The following ADPRS variants were observed in gnomAD, a reference collection of about 807,000 sequenced individuals.
ADPRS encodes ADP-ribosylhydrolase ARH3.
A neutral mutation model predicts 32.1 loss-of-function variants in ADPRS; 25 were observed. The ratio of observed to expected loss-of-function variants is 0.78; its 90% confidence interval spans 0.57 to 1.09. ADPRS has a LOEUF of 1.09. ADPRS is among the 50% of genes least tolerant of loss of function. ADPRS has a pLI of 0.00. For missense variants in ADPRS, 482 were observed against 480.6 expected, an observed-to-expected ratio of 1.00 and a Z score of -0.03; for synonymous variants, 225 against 201.0, an observed-to-expected ratio of 1.12 and a Z score of -1.01.
At chr1:36,090,453 T>G (rs949941194) in intron 1 of ADPRS, among the ~76,000 whole-genome samples, 4 of 152,056 alleles carry the variant, frequency 2.6e-5, no homozygotes, top group Admixed American at 1.3e-4. Flanking sequence ...TGACTTGGAA[T>G]AAAGAATTGC....
At chr1:36,092,779 C>A (rs1234018047) in intron 5 of ADPRS, among the ~76,000 whole-genome samples, 1 of 152,220 alleles carries the variant, frequency 6.6e-6, no homozygotes, top group Non-Finnish European at 1.5e-5. Context: ...TGTCTAGCAT[C>A]TATACTGGGC....
chr1:36,093,288 A>G lies in ADPRS; in HGVS notation c.994A>G (p.Met332Val). 2 of 1,614,200 alleles carry G rather than the reference A, an allele frequency of 1.2e-6. No homozygotes were observed. The highest frequency in any genetic ancestry group is 1.7e-6 in the Non-Finnish European group (2 of 1,180,034). ...GGCCATTGCTGGTGCCTACTATGGG[A>G]TGGATCAGGTGCCAGAGAGCTGGCA... is the stretch of plus-strand genomic sequence containing the variant. ...AGAIAGAYYG[M>V]DQVPESWQQS... Residue 332 changes from methionine to valine, a missense_variant, in exon 6 of 6, where the codon ATG becomes GTG. By Grantham distance (21) the Met-to-Val change is conservative. Coordinates refer to ENST00000373178, the MANE Select transcript of ADPRS (RefSeq NM_017825.3).
chr1:36,091,390 C>T (rs1643481499), intron 2 of ADPRS, 50 bp downstream of exon 2: 2 of 1,536,654 alleles, frequency 1.3e-6, no homozygotes, highest in Non-Finnish European at 1.8e-6. Context: ...AAAGTTATTG[C>T]ACCCCTTGAC....
intron 1 of ADPRS, among the ~76,000 whole-genome samples, chr1:36,090,750 G>C (rs1367042460): frequency 6.6e-6 from 1 of 151,858 alleles, no homozygotes; most frequent in East Asian, 1.9e-4. Flanking sequence ...TACTCGGGAG[G>C]CTGGGGCAAG....
rs1293906648 is a variant in ADPRS at position 36,092,453 on chromosome 1, C to T, written c.733C>T (p.Arg245Cys). ...CATGGAGGAGCGTCCATACTCCAGC[C>T]GCCTGAAGAAGATTGGAGAGCTTCT... ...LGMEERPYSS[R>C]LKKIGELLDQ... The change falls in exon 5 of 6, where the codon CGC (arginine) becomes TGC (cysteine). Residue 245 changes from arginine (R) to cysteine (C), a missense_variant. Physicochemically the swap from Arg to Cys is radical, Grantham distance 180 (BLOSUM62 -3). Transcript: ENST00000373178. The T allele has an allele frequency of 8.7e-6, 14 of 1,614,034 alleles. No homozygotes were observed. Among genetic ancestry groups the T allele is most frequent in the South Asian group, 5.5e-5 (5 of 91,082 alleles).
At chr1:36,092,839 C>T (rs1426569497) in intron 5 of ADPRS, among the ~76,000 whole-genome samples, 1 of 152,234 alleles carries the variant, frequency 6.6e-6, no homozygotes, top group East Asian at 1.9e-4. Context: ...CTCACAACAG[C>T]CCTGTCAGAG....
In ADPRS at chr1:36,091,225, C is replaced by T. The variant is rs1372614181; in HGVS notation, c.212-19C>T. ...CAAAGGTGAGCAGGAGGCTCTCATC[C>T]TCCCTCCTCTCCCCACAGAAGCCTT... On this transcript the variant is annotated intron_variant, in intron 1 of 5. Transcript: ENST00000373178. 2.5e-6 allele frequency: 4 copies of T among 1,600,158 alleles called. No homozygotes were observed. Among genetic ancestry groups the T allele is most frequent in the Non-Finnish European group, 3.4e-6 (4 of 1,167,902 alleles).
In ADPRS at chr1:36,093,510, C is replaced by A; in HGVS notation, c.*124C>A. Reference sequence around the variant, plus strand: ...CCTGCATTGTGGAGCTGACTGAGTACACCGGTGAGGCTGGGGTCTCTGCAG... The same window carrying A: ...CCTGCATTGTGGAGCTGACTGAGTAAACCGGTGAGGCTGGGGTCTCTGCAG... On this transcript the variant is annotated 3_prime_UTR_variant, in exon 6 of 6. Coordinates refer to ENST00000373178, the MANE Select transcript of ADPRS (RefSeq NM_017825.3). 7.7e-7 allele frequency: 1 copy of A among 1,303,990 alleles called. No homozygotes were observed. Among genetic ancestry groups the A allele is most frequent in the Non-Finnish European group, 1.0e-6 (1 of 956,670 alleles). 80.8% of individuals were successfully genotyped at this position (1,303,990 alleles called of 1,614,324 possible).
rs1643474373 is a variant in ADPRS, at chr1:36,091,127, C to A, written c.212-117C>A. On this transcript the variant is annotated intron_variant, in intron 1 of 5. Transcript: ENST00000373178. ...AAGACTGCAGTGAGCCATGATTGCA[C>A]CAGTGCACTCCAGTCTGGGCAACAG... 5.4e-6 allele frequency: 4 copies of A among 737,524 alleles called. No homozygotes were observed. The East Asian group carries it at 1.1e-4, about 20-fold the overall frequency. 45.7% of individuals were successfully genotyped at this position (737,524 alleles called of 1,614,324 possible).
chr1:36,093,157 T>C lies in ADPRS; in HGVS notation c.863T>C (p.Met288Thr). 1 of 1,614,208 alleles carries C rather than the reference T, an allele frequency of 6.2e-7. No homozygotes were observed. Among genetic ancestry groups the C allele is most frequent in the Middle Eastern group, 1.6e-4 (1 of 6,062 alleles). Residue 288 changes from methionine to threonine, a missense_variant, in exon 6 of 6, where the codon ATG becomes ACG. Met to Thr is a moderately conservative substitution (Grantham distance 81, BLOSUM62 -1). Transcript: ENST00000373178. ...GCCATCTACTGCTTCCTACGCTGCA[T>C]GGAGCCAGACCCTGAGATCCCTTCT... ...PTAIYCFLRC[M>T]EPDPEIPSAF... is the part of the protein sequence containing the mutation.
In ADPRS at chr1:36,092,439, G is replaced by A. The variant is rs148612837; in HGVS notation, c.719G>A (p.Arg240His). 1.4e-4 allele frequency: 219 copies of A among 1,614,034 alleles called. No individual in the cohort carries two copies. The highest frequency in any genetic ancestry group is 1.8e-4 in the Non-Finnish European group (208 of 1,180,018). ...AACCACAGGTTGGGCATGGAGGAGC[G>A]TCCATACTCCAGCCGCCTGAAGAAG... Reference protein sequence around the residue: ...LDARELGMEERPYSSRLKKIG... With the variant: ...LDARELGMEEHPYSSRLKKIG... Residue 240 changes from arginine to histidine, a missense_variant, in exon 5 of 6, where the codon CGT (arginine) becomes CAT (histidine). Transcript: ENST00000373178.
chr1:36,092,627 G>A, intron 5 of ADPRS, 105 bp downstream of exon 5: 1 of 1,051,056 alleles, frequency 9.5e-7, no homozygotes, highest in Admixed American at 2.1e-5. Context: ...TGTACCCTGG[G>A]CTGCTGTGAC....
At chr1:36,092,821 G>A (rs1185354639) in intron 5 of ADPRS, among the ~76,000 whole-genome samples, 3 of 152,296 alleles carry the variant, frequency 2.0e-5, no homozygotes, top group Admixed American at 6.5e-5. Context: ...ACACGATCTC[G>A]CTTCATCCTC....
rs1643505643 is a variant in ADPRS at position 36,092,950 on chromosome 1, G to A, written c.803-147G>A. The A allele has an allele frequency of 5.1e-6, 4 of 788,742 alleles. No homozygotes were observed. The South Asian group carries it at 7.2e-5, about 14-fold the overall frequency. The allele number at this position is 788,742 out of a possible 1,614,324, so 48.9% of individuals were successfully genotyped here. On this transcript the variant is annotated intron_variant, in intron 5 of 5. Coordinates refer to ENST00000373178, the MANE Select transcript of ADPRS (RefSeq NM_017825.3). ...TCTCCCAGTCACGCAGCCAGTGTGT[G>A]GTGGAGCCAGGATTTGAGCCCAGGT...
In ADPRS at chr1:36,093,797, C is replaced by T. The variant is rs2281804; in HGVS notation, c.*411C>T. Reference sequence around the variant, plus strand: ...AGCAAGCGCATCCTAGCAGGGTCCCCGAGCAGCAGGTTGTGTGGATGAAGG... The same window carrying T: ...AGCAAGCGCATCCTAGCAGGGTCCCTGAGCAGCAGGTTGTGTGGATGAAGG... On this transcript the variant is annotated 3_prime_UTR_variant, in exon 6 of 6. Coordinates refer to ENST00000373178, the MANE Select transcript of ADPRS (RefSeq NM_017825.3). 3.3e-3 allele frequency: 575 copies of T among 174,218 alleles called. 23 individuals carry two copies. The East Asian group carries it at 0.079, about 24-fold the overall frequency. The allele number at this position is 174,218 out of a possible 1,614,324, so 10.8% of individuals were successfully genotyped here.
chr1:36,092,281 C>A, intron 4 of ADPRS, 141 bp from the exon 5 acceptor site: 1 of 1,124,636 alleles, frequency 8.9e-7, no homozygotes, highest in Non-Finnish European at 1.3e-6. Flanking sequence ...CTCACCCCAG[C>A]CCTCTCCCAC....
chr1:36,091,378 G>C, intron 2 of ADPRS, 38 bp downstream of exon 2: 1 of 1,588,582 alleles, frequency 6.3e-7, no homozygotes, highest in Non-Finnish European at 8.6e-7. Context: ...AAACCAGGTG[G>C]GAAAGTTATT....
rs1643518308 is a variant in ADPRS, at chr1:36,093,693, T to G, written c.*307T>G. 3.8e-5 allele frequency: 13 copies of G among 340,262 alleles called. No individual in the cohort carries two copies. In the South Asian group the frequency reaches 6.8e-4, roughly 18 times the overall value. 21.1% of individuals were successfully genotyped at this position (340,262 alleles called of 1,614,324 possible). On this transcript the variant is annotated 3_prime_UTR_variant, in exon 6 of 6. Transcript: ENST00000373178. Reference sequence around the variant, plus strand: ...GTACTTGTGGCATTTTCCTGTATTGTCTTGGACATGGGATGTGGGGAGGTG... The same window carrying G: ...GTACTTGTGGCATTTTCCTGTATTGGCTTGGACATGGGATGTGGGGAGGTG...
rs1275672102 is a variant in ADPRS, at chr1:36,091,703, T to G, written c.394T>G (p.Cys132Gly). The G allele has an allele frequency of 6.2e-7, 1 of 1,613,906 alleles. No homozygotes were observed. The change falls in exon 3 of 6, where the codon TGT becomes GGT. Residue 132 changes from cysteine to glycine, a missense_variant. Coordinates refer to ENST00000373178, the MANE Select transcript of ADPRS (RefSeq NM_017825.3). ...CTTCAAGAAGCTCCTGAACCCCAAA[T>G]GTCGCGATGTCTTTGAGCCTGCCCG... The part of the protein sequence containing the change: ...TVFKKLLNPK[C>G]RDVFEPARAQ...
Sources: gnomAD v4.1 joint callset for allele counts (sites outside exome capture counted in the v4.1 genomes callset) on GRCh38, gnomAD v4.1.1 for gene constraint, MANE v1.5 for transcripts, NCBI Gene and HGNC (gene_info 2026-07-23, HGNC 2026-07-21) for gene names.